HECW2: variants seen among roughly 807,000 people sequenced by gnomAD.
HECW2 encodes E3 ubiquitin-protein ligase HECW2.
HECW2 carries 61 observed loss-of-function variants against 175.2 expected under a neutral mutation model. The ratio of observed to expected loss-of-function variants is 0.35; its 90% CI spans 0.28 to 0.43. HECW2 has a LOEUF of 0.43. Ranked by LOEUF, HECW2 falls within the 20% of genes least tolerant of loss-of-function variation. HECW2 has a pLI of 1.00. For missense variants in HECW2, 1,524 were observed against 2,000.5 expected (o/e 0.76, Z 4.54); for synonymous variants, 671 against 731.0 (o/e 0.92, Z 1.32).
intron 1 of HECW2, among the ~76,000 whole-genome samples, chr2:196,526,504 T>C (rs1049961498): frequency 5.9e-5 from 9 of 152,118 alleles, no homozygotes; most frequent in African/African-American, 2.2e-4. Context: ...CATCCAGCTT[T>C]GTTCCATTGC....
chr2:196,376,574 T>C (rs1694056991), intron 2 of HECW2, among the ~76,000 whole-genome samples: 1 of 147,872 alleles, frequency 6.8e-6, no homozygotes, highest in Non-Finnish European at 1.5e-5. Context: ...GCCATTGCAG[T>C]GAGCCAACAT....
intron 2 of HECW2, among the ~76,000 whole-genome samples, chr2:196,402,200 CAAA>C (rs55851966): frequency 2.8e-5 from 2 of 70,346 alleles, no homozygotes; most frequent in Non-Finnish European, 5.2e-5. Flanking sequence ...GACTCTGTCT[CAAA>C]AAAAAAAAAA....
rs187145130 is a variant in HECW2 at position 196,303,085 on chromosome 2, T to G, written c.2814+3403A>C. On this transcript the variant is annotated intron_variant, in intron 13 of 28. Coordinates refer to ENST00000644978, the MANE Select transcript of HECW2 (RefSeq NM_001348768.2). ...TGGCTCTTATTACTTTGAGGTATGT[T>G]CCTTCAATACCTAGTTGATTGAGAG... 2.0e-5 allele frequency among the ~76,000 whole-genome samples: 3 copies of G among 152,318 alleles called. No homozygotes were observed. The East Asian group carries it at 5.8e-4, about 29-fold the overall frequency.
At chr2:196,243,189 C>T (rs4533485) in intron 19 of HECW2, among the ~76,000 whole-genome samples, 122,952 of 146,868 alleles carry the variant, frequency 0.84, 52,557 homozygotes, top group Non-Finnish European at 0.93. Context: ...TTTTTTGAGA[C>T]GGAGTTTCGC....
chr2:196,489,824 T>C (rs1375257285), intron 1 of HECW2, among the ~76,000 whole-genome samples: 1 of 152,214 alleles, frequency 6.6e-6, no homozygotes, highest in Non-Finnish European at 1.5e-5. Context: ...CATTATCATA[T>C]CTGAGGTTAC....
intron 15 of HECW2, among the ~76,000 whole-genome samples, chr2:196,276,097 C>T (rs1689945460): frequency 6.6e-6 from 1 of 152,188 alleles, no homozygotes; most frequent in Admixed American, 6.5e-5. Flanking sequence ...CAGTATGTTG[C>T]CATGTCTCAT....
At chr2:196,304,279 C>T (rs1054257414) in intron 13 of HECW2, among the ~76,000 whole-genome samples, 3 of 152,072 alleles carry the variant, frequency 2.0e-5, no homozygotes, top group Non-Finnish European at 2.9e-5. Context: ...CATTTTATGA[C>T]GGCTTGAATG....
At chr2:196,423,940 A>C (rs1215882630) in intron 2 of HECW2, among the ~76,000 whole-genome samples, 1 of 151,940 alleles carries the variant, frequency 6.6e-6, no homozygotes, top group Non-Finnish European at 1.5e-5. Context: ...TCTTTTTATG[A>C]TGCTTTGCTT....
chr2:196,485,417 G>A (rs1174976935), intron 1 of HECW2, among the ~76,000 whole-genome samples: 1 of 152,174 alleles, frequency 6.6e-6, no homozygotes, highest in African/African-American at 2.4e-5. Flanking sequence ...TCACAGTTCT[G>A]GAGGCTGGAC....
intron 1 of HECW2, among the ~76,000 whole-genome samples, chr2:196,534,987 C>T (rs779671765): frequency 6.6e-6 from 1 of 151,906 alleles, no homozygotes; most frequent in Non-Finnish European, 1.5e-5. Flanking sequence ...AATCTATGTC[C>T]CCTTCAGTCT....
intron 26 of HECW2, among the ~76,000 whole-genome samples, chr2:196,219,479 T>C (rs565283326): frequency 2.0e-5 from 3 of 152,364 alleles, no homozygotes; most frequent in East Asian, 3.9e-4. Context: ...TGTCAGATAG[T>C]GCAGTTTTTA....
Position 196,202,713 on chromosome 2 carries a change from C to T in HECW2, c.4608-1325G>A, listed in dbSNP as rs539006656. 3.9e-5 allele frequency among the ~76,000 whole-genome samples: 6 copies of T among 152,224 alleles called. No individual in the cohort carries two copies. The South Asian group carries it at 6.2e-4, about 16-fold the overall frequency. On this transcript the variant is annotated intron_variant, in intron 28 of 28. Transcript: ENST00000644978. ...ATGAGATAATAAAGGGATAATAAAG[C>T]AGGTGTGTGGCCACATGGCTTATTA... is the stretch of plus-strand genomic sequence containing the variant.
rs114561841 is a variant in HECW2 at position 196,221,319 on chromosome 2, C to T, written c.4147-378G>A. Among the ~76,000 whole-genome samples the T allele has an allele frequency of 6.8e-3, 1,030 of 152,274 alleles. 4 individuals are homozygous for T. Among genetic ancestry groups the T allele is most frequent in the Non-Finnish European group, 0.011 (770 of 68,034 alleles). On this transcript the variant is annotated intron_variant, in intron 24 of 28. Coordinates refer to ENST00000644978, the MANE Select transcript of HECW2 (RefSeq NM_001348768.2). ...AAAGATTTACTTTAAAGCAGAATTA[C>T]ACTCAAGTGAATGTTAAATTGAGAA...
chr2:196,228,373 C>T, intron 21 of HECW2, 119 bp from the exon 22 acceptor site: 1 of 878,438 alleles, frequency 1.1e-6, no homozygotes, highest in Non-Finnish European at 1.7e-6. Flanking sequence ...GTCCACATGC[C>T]AGAGCTGTCC....
intron 26 of HECW2, among the ~76,000 whole-genome samples, chr2:196,218,700 A>C (rs1425225073): frequency 1.3e-5 from 2 of 152,104 alleles, no homozygotes; most frequent in Admixed American, 1.3e-4. Context: ...TCTGTCTGAA[A>C]AAAAAAATTC....
At chr2:196,457,901 C>T (rs1299151458) in intron 1 of HECW2, among the ~76,000 whole-genome samples, 1 of 152,158 alleles carries the variant, frequency 6.6e-6, no homozygotes, top group Non-Finnish European at 1.5e-5. Context: ...ATCAATAAAG[C>T]ATTATGGTAT....
chr2:196,362,719 A>C (rs1693630489), intron 2 of HECW2, among the ~76,000 whole-genome samples: 2 of 152,242 alleles, frequency 1.3e-5, no homozygotes, highest in Non-Finnish European at 2.9e-5. Flanking sequence ...AATCTAGCTA[A>C]TGCTCTTGTC....
intron 5 of HECW2, among the ~76,000 whole-genome samples, chr2:196,326,163 T>G (rs943671301): frequency 6.6e-6 from 1 of 152,208 alleles, no homozygotes; most frequent in African/African-American, 2.4e-5. Flanking sequence ...AACCAGATCC[T>G]GGATAGTGAC....
At chr2:196,459,486 C>T (rs1251380252) in intron 1 of HECW2, among the ~76,000 whole-genome samples, 2 of 151,788 alleles carry the variant, frequency 1.3e-5, no homozygotes, top group Non-Finnish European at 2.9e-5. Context: ...GAACAGACCC[C>T]CTGTTAGCCA....
Sources: allele counts gnomAD v4.1 joint callset (sites outside exome capture counted in the v4.1 genomes callset), GRCh38; gene constraint gnomAD v4.1.1; transcripts MANE v1.5; gene names NCBI Gene and HGNC (gene_info 2026-07-23, HGNC 2026-07-21).